Variants in NEDD4L observed in about 807,000 individuals in gnomAD.
NEDD4L encodes NEDD4 like E3 ubiquitin protein ligase.
In NEDD4L, 54 loss-of-function variants were observed where a neutral mutation model predicts 148.9. That is an observed-to-expected ratio of 0.36 (90% CI 0.29 to 0.45). The LOEUF (loss-of-function observed/expected upper bound fraction) is 0.45. Among genes scored for constraint, NEDD4L ranks in the 20% least tolerant of loss-of-function variants. The pLI is 1.00. For missense variants in NEDD4L, 856 were observed against 1,233.8 expected (o/e 0.69, Z 4.59); for synonymous variants, 433 against 440.7 (o/e 0.98, Z 0.22).
At chr18:58,239,749 G>A (rs74640952) in intron 2 of NEDD4L, among the ~76,000 whole-genome samples, 2,930 of 152,258 alleles carry the variant, frequency 0.019, 76 homozygotes, top group East Asian at 0.059. Flanking sequence ...AGATGACCTC[G>A]TCTGCGCTGT....
intron 2 of NEDD4L, chr18:58,227,803 TA>T: frequency 1.2e-6 from 1 of 833,558 alleles, no homozygotes; most frequent in Non-Finnish European, 1.4e-6. Flanking sequence ...TCAAACTCCC[TA>T]AGAGCAGATT....
intron 1 of NEDD4L, among the ~76,000 whole-genome samples, chr18:58,082,102 A>ATATATATATATATATATTTTTTTTT: frequency 2.0e-5 from 1 of 48,856 alleles, no homozygotes; most frequent in African/African-American, 1.3e-4. Context: ...ATATATATAT[A>ATATATATATATATATATTTTTTTTT]TTTTTTTTTT....
At chr18:58,180,917 AT>A (rs1048707628) in intron 2 of NEDD4L, among the ~76,000 whole-genome samples, 2 of 152,144 alleles carry the variant, frequency 1.3e-5, no homozygotes, top group African/African-American at 4.8e-5. Context: ...ATCGAGGTGT[AT>A]TGGGGGGGTT....
At chr18:58,128,299 G>C (rs1023880033) in intron 1 of NEDD4L, among the ~76,000 whole-genome samples, 1 of 152,076 alleles carries the variant, frequency 6.6e-6, no homozygotes, top group Non-Finnish European at 1.5e-5. Context: ...CACCCGCCTC[G>C]GCCTCCCAGC....
At chr18:58,191,325 G>GC (rs1302922475) in intron 2 of NEDD4L, among the ~76,000 whole-genome samples, 1 of 152,132 alleles carries the variant, frequency 6.6e-6, no homozygotes, top group East Asian at 1.9e-4. Context: ...TATTTGACAT[G>GC]CTTTATTGCT....
chr18:58,267,719 G>A lies in NEDD4L; in HGVS notation c.297+15665G>A, dbSNP rs1216108437. 2.0e-5 allele frequency among the ~76,000 whole-genome samples: 3 copies of A among 152,090 alleles called. 1 individual carries two copies. The highest frequency in any genetic ancestry group is 4.4e-5 in the Non-Finnish European group (3 of 67,980). The stretch of plus-strand genomic sequence containing the variant: ...AGATGCTTTCTGCTGCCTGTGTCAT[G>A]CCAGGGCGTGGGTGGATATATTTTT... On this transcript the variant is annotated intron_variant, in intron 5 of 30. Transcript: ENST00000400345.
chr18:58,362,497 C>T (rs747717286), intron 19 of NEDD4L, among the ~76,000 whole-genome samples: 4 of 152,168 alleles, frequency 2.6e-5, no homozygotes, highest in African/African-American at 4.8e-5. Context: ...AGAGTCTACC[C>T]GAGAGTGCAG....
At chr18:58,176,241 C>A (rs2146858967) in intron 2 of NEDD4L, among the ~76,000 whole-genome samples, 1 of 152,256 alleles carries the variant, frequency 6.6e-6, no homozygotes, top group Non-Finnish European at 1.5e-5. Context: ...CTGTCCCTGT[C>A]CCTCTCTCCT....
chr18:58,186,794 C>T (rs150538201), intron 2 of NEDD4L, among the ~76,000 whole-genome samples: 213 of 152,340 alleles, frequency 1.4e-3, no homozygotes, highest in African/African-American at 4.9e-3. Flanking sequence ...CGCCAGTCAC[C>T]TGGTATGCTG....
intron 2 of NEDD4L, among the ~76,000 whole-genome samples, chr18:58,213,013 A>G (rs2042757891): frequency 6.6e-6 from 1 of 152,240 alleles, no homozygotes; most frequent in Non-Finnish European, 1.5e-5. Context: ...AATGCAGATT[A>G]AACAATGAGA....
intron 1 of NEDD4L, among the ~76,000 whole-genome samples, chr18:58,140,351 A>C (rs150098087): frequency 5.1e-4 from 78 of 152,366 alleles, no homozygotes; most frequent in African/African-American, 1.7e-3. Context: ...ACAAAGGGCC[A>C]CTAGCACAAG....
Position 58,214,040 on chromosome 18 carries a change from C to T in NEDD4L, c.123-31387C>T, listed in dbSNP as rs536676451. ...TTTCAGATGTGGCTCCTGCATGGCCCTGCTTGCTCTCTTGAGCTGCCTGCA... is the reference window on the plus strand; with the variant it reads ...TTTCAGATGTGGCTCCTGCATGGCCTTGCTTGCTCTCTTGAGCTGCCTGCA... On this transcript the variant is annotated intron_variant, in intron 2 of 30. Transcript: ENST00000400345. 1.4e-4 allele frequency among the ~76,000 whole-genome samples: 22 copies of T among 152,306 alleles called. No homozygotes were observed. In the East Asian group the frequency reaches 1.5e-3, roughly 11 times the overall value.
Position 58,341,028 on chromosome 18 carries a change from G to T in NEDD4L, c.1126-10G>T, listed in dbSNP as rs1022693399. 1.9e-6 allele frequency: 3 copies of T among 1,604,206 alleles called. No homozygotes were observed. The African/African-American group carries it at 4.0e-5, about 21-fold the overall frequency. On this transcript the variant is annotated splice_polypyrimidine_tract_variant and intron_variant, in intron 13 of 30. Transcript: ENST00000400345. ...AGGTATTAAATAATAATGATTTCTT[G>T]CACAAACAGCCATCAGTGGCCTATG... is the stretch of plus-strand genomic sequence containing the variant.
At chr18:58,133,299 C>T (rs544118165) in intron 1 of NEDD4L, among the ~76,000 whole-genome samples, 9 of 152,292 alleles carry the variant, frequency 5.9e-5, no homozygotes, top group African/African-American at 2.2e-4. Context: ...CCAACTGTTT[C>T]CACTGCTCCC....
intron 5 of NEDD4L, among the ~76,000 whole-genome samples, chr18:58,310,013 C>T (rs533777808): frequency 1.6e-4 from 25 of 152,202 alleles, no homozygotes; most frequent in Non-Finnish European, 2.5e-4. Context: ...TCTTTGCTTG[C>T]GCTTGCTCTC....
chr18:58,311,424 C>T (rs570346138), intron 5 of NEDD4L, among the ~76,000 whole-genome samples: 3 of 152,312 alleles, frequency 2.0e-5, no homozygotes, highest in South Asian at 2.1e-4. Flanking sequence ...TTTGGTGGCA[C>T]GATCATAGCT....
intron 1 of NEDD4L, among the ~76,000 whole-genome samples, chr18:58,060,165 G>T (rs1223244997): frequency 6.6e-6 from 1 of 152,100 alleles, no homozygotes; most frequent in Non-Finnish European, 1.5e-5. Flanking sequence ...GGAAGGCACA[G>T]CTGAGGCCTG....
intron 1 of NEDD4L, among the ~76,000 whole-genome samples, chr18:58,127,867 CATTT>C (rs912137935): frequency 1.4e-5 from 2 of 145,484 alleles, no homozygotes; most frequent in Admixed American, 6.9e-5. Flanking sequence ...AAAGAATCAA[CATTT>C]ATTTATTTAT....
intron 3 of NEDD4L, among the ~76,000 whole-genome samples, chr18:58,246,811 T>C (rs1018232552): frequency 6.6e-6 from 1 of 152,162 alleles, no homozygotes; most frequent in South Asian, 2.1e-4. Flanking sequence ...TATAGACATA[T>C]GTAATATATA....
Sources: allele counts gnomAD v4.1 joint callset (sites outside exome capture counted in the v4.1 genomes callset), GRCh38; gene constraint gnomAD v4.1.1; transcripts MANE v1.5; gene names NCBI Gene and HGNC (gene_info 2026-07-23, HGNC 2026-07-21).